The following OPRL1 variants were observed in gnomAD, a reference collection of about 807,000 sequenced individuals.
OPRL1 encodes nociceptin receptor.
In OPRL1, 5 loss-of-function variants were observed where a neutral mutation model predicts 15.5. That is an observed-to-expected ratio of 0.32 (90% CI 0.17 to 0.68). The LOEUF is 0.68. OPRL1 is among the 30% of genes least tolerant of loss of function. OPRL1 has a pLI of 0.72. For missense variants in OPRL1, 406 were observed against 515.3 expected (o/e 0.79, Z 2.05); for synonymous variants, 223 against 230.2 (o/e 0.97, Z 0.28).
intron 1 of OPRL1, among the ~76,000 whole-genome samples, chr20:64,087,737 C>T (rs2060064260): frequency 6.6e-6 from 1 of 152,250 alleles, no homozygotes; most frequent in African/African-American, 2.4e-5. Flanking sequence ...GGTTGTCTTG[C>T]TCTCTCATAT....
Position 64,098,378 on chromosome 20 carries a change from T to A in OPRL1, c.692T>A (p.Ile231Asn). ...LFSFIVPVLV[I>N]SVCYSLMIRR... Reference sequence around the variant, plus strand: ...TCCTTCATCGTCCCCGTGCTCGTCATCTCTGTCTGCTACAGCCTCATGATC... The same window carrying A: ...TCCTTCATCGTCCCCGTGCTCGTCAACTCTGTCTGCTACAGCCTCATGATC... The change falls in exon 5 of 5, where the codon ATC becomes AAC. Residue 231 changes from isoleucine (I) to asparagine (N), a missense_variant. By Grantham distance (149) the Ile-to-Asn change is moderately radical. Coordinates refer to ENST00000336866, the MANE Select transcript of OPRL1 (RefSeq NM_182647.4). 6.2e-7 allele frequency: 1 copy of A among 1,613,810 alleles called. No homozygotes were observed. Among genetic ancestry groups the A allele is most frequent in the Non-Finnish European group, 8.5e-7 (1 of 1,180,002 alleles).
In OPRL1 at chr20:64,083,403, G is replaced by A. The variant is rs755222409; in HGVS notation, c.-185+3051G>A. 1.2e-6 allele frequency: 2 copies of A among 1,611,826 alleles called. No individual in the cohort carries two copies. Among genetic ancestry groups the A allele is most frequent in the Non-Finnish European group, 1.7e-6 (2 of 1,179,588 alleles). ...CGGAGAATTATAACTTTATGTGGGA[G>A]GCTGGGGCGCGTCGCACACTCTCAG... On this transcript the variant is annotated intron_variant, in intron 1 of 4. Transcript: ENST00000336866. The surrounding 1 kb of genome is among the most constrained non-coding windows in gnomAD (Gnocchi z 4.9).
In OPRL1 at chr20:64,100,566, C is replaced by G. The variant is rs888310837; in HGVS notation, c.*1767C>G. ...CAAGCGTTACTTCCTGTGCACGTAG[C>G]CAGCCCTGGGTCTGTCTCTGGGGTA... On this transcript the variant is annotated 3_prime_UTR_variant, in exon 5 of 5. Transcript: ENST00000336866. 3.3e-5 allele frequency: 5 copies of G among 152,212 alleles called. No homozygotes were observed. The highest frequency in any genetic ancestry group is 7.3e-5 in the Non-Finnish European group (5 of 68,046). The allele number at this position is 152,212 out of a possible 1,614,324, so 9.4% of individuals were successfully genotyped here. A position where few individuals can be genotyped will look rare whatever the true frequency, so the allele number is the denominator to read the frequency against.
chr20:64,083,785 C>T lies in OPRL1; in HGVS notation c.-185+3433C>T. 7.5e-7 allele frequency: 1 copy of T among 1,329,536 alleles called. No homozygotes were observed. Among genetic ancestry groups the T allele is most frequent in the Non-Finnish European group, 9.6e-7 (1 of 1,044,064 alleles). The allele number at this position is 1,329,536 out of a possible 1,614,324, so 82.4% of individuals were successfully genotyped here. A position where few individuals can be genotyped will look rare whatever the true frequency, so the allele number is the denominator to read the frequency against. On this transcript the variant is annotated intron_variant, in intron 1 of 4. Coordinates refer to ENST00000336866, the MANE Select transcript of OPRL1 (RefSeq NM_182647.4). This position sits in a 1 kb window ranked among gnomAD's most constrained non-coding sequence, Gnocchi z 4.9. ...CCGGCTCCGCTCAACGCTCCCGGTGCGCCCCCTCTGCCCTCCGACCCCCTC... is the reference window on the plus strand; with the variant it reads ...CCGGCTCCGCTCAACGCTCCCGGTGTGCCCCCTCTGCCCTCCGACCCCCTC...
chr20:64,083,900 T>C lies in OPRL1; in HGVS notation c.-185+3548T>C, dbSNP rs1569268935. 36 of 1,445,900 alleles carry C rather than the reference T, an allele frequency of 2.5e-5. No homozygotes were observed. Among genetic ancestry groups the C allele is most frequent in the Non-Finnish European group, 3.1e-5 (34 of 1,105,414 alleles). 89.6% of individuals were successfully genotyped at this position (1,445,900 alleles called of 1,614,324 possible). A position where few individuals can be genotyped will look rare whatever the true frequency, so the allele number is the denominator to read the frequency against. On this transcript the variant is annotated intron_variant, in intron 1 of 4. Coordinates refer to ENST00000336866, the MANE Select transcript of OPRL1 (RefSeq NM_182647.4). This position sits in a 1 kb window ranked among gnomAD's most constrained non-coding sequence, Gnocchi z 4.9. ...CTTGAGGACGCCGAGGAGCCGGTTC[T>C]GGCGCTCGGCGGGCAGCTCGAGCGA...
At position 64,092,865 on chromosome 20, in the gene OPRL1, G is replaced by A. The variant is rs781248458; in HGVS notation, c.145G>A (p.Gly49Arg). ...NASHGAFLPL[G>R]LKVTIVGLYL... Reference sequence around the variant, plus strand: ...CAGCCACGGCGCCTTCCTGCCCCTCGGGCTCAAGGTCACCATCGTGGGGCT... The same window carrying A: ...CAGCCACGGCGCCTTCCTGCCCCTCAGGCTCAAGGTCACCATCGTGGGGCT... The change falls in exon 3 of 5, where the codon GGG becomes AGG. Residue 49 changes from glycine to arginine, a missense_variant. Gly to Arg is a moderately radical substitution (Grantham distance 125). Transcript: ENST00000336866. 10 of 1,612,690 alleles carry A rather than the reference G, an allele frequency of 6.2e-6. No individual in the cohort carries two copies. Among genetic ancestry groups the A allele is most frequent in the East Asian group, 2.2e-5 (1 of 44,878 alleles).
chr20:64,088,731 C>CAGAGTGGCCAGGATCTGTG (rs1569271879), intron 1 of OPRL1, among the ~76,000 whole-genome samples: 1 of 9,564 alleles, frequency 1.0e-4, no homozygotes, highest in Admixed American at 1.0e-3. Context: ...AGGATCTGTG[C>CAGAGTGGCCAGGATCTGTG]AAGGGGTAGG....
intron 1 of OPRL1, among the ~76,000 whole-genome samples, chr20:64,088,032 A>G (rs2060068073): frequency 6.6e-6 from 1 of 152,202 alleles, no homozygotes; most frequent in Admixed American, 6.5e-5. Flanking sequence ...CTTTCACTCT[A>G]AGACTGCGCC....
chr20:64,080,997 C>T (rs1297563126), intron 1 of OPRL1, among the ~76,000 whole-genome samples: 1 of 152,040 alleles, frequency 6.6e-6, no homozygotes, highest in African/African-American at 2.4e-5. Flanking sequence ...GCAGTAGGAC[C>T]AGAAGCCAGC....
chr20:64,096,548 T>C (rs1482259659), intron 3 of OPRL1, among the ~76,000 whole-genome samples: 1 of 152,134 alleles, frequency 6.6e-6, no homozygotes, highest in Non-Finnish European at 1.5e-5. Flanking sequence ...ATTGTTGTTG[T>C]CTCTTCGTAA....
chr20:64,082,834 G>T (rs1294124660), intron 1 of OPRL1, among the ~76,000 whole-genome samples: 1 of 151,320 alleles, frequency 6.6e-6, no homozygotes, highest in Non-Finnish European at 1.5e-5. Context: ...GGTGGGTGTG[G>T]GGGTGTGGCA....
rs1010172408 is a variant in OPRL1 at position 64,096,872 on chromosome 20, C to A, written c.234-930C>A. Among the ~76,000 whole-genome samples the A allele has an allele frequency of 1.6e-4, 22 of 137,672 alleles. 2 individuals are homozygous for A. The highest frequency in any genetic ancestry group is 3.3e-4 in the Non-Finnish European group (21 of 62,912). The allele number at this position is 137,672 out of a possible 152,430, so 90.3% of individuals were successfully genotyped here. On this transcript the variant is annotated intron_variant, in intron 3 of 4. Transcript: ENST00000336866. The stretch of plus-strand genomic sequence containing the variant: ...ACCACCATCACCACTATCACCACCA[C>A]CACCATCATTACCATCATCATCACG...
chr20:64,092,940 T>C lies in OPRL1; in HGVS notation c.220T>C (p.Tyr74His). 1 of 1,612,400 alleles carries C rather than the reference T, an allele frequency of 6.2e-7. No individual in the cohort carries two copies. Among genetic ancestry groups the C allele is most frequent in the East Asian group, 2.2e-5 (1 of 44,876 alleles). The change falls in exon 3 of 5, where the codon TAC becomes CAC. Residue 74 changes from tyrosine (Y) to histidine (H), a missense_variant. Tyr to His is a moderately conservative substitution (Grantham distance 83). Coordinates refer to ENST00000336866, the MANE Select transcript of OPRL1 (RefSeq NM_182647.4). Reference protein sequence around the residue: ...GGLLGNCLVMYVILRHTKMKT... With the variant: ...GGLLGNCLVMHVILRHTKMKT... ...GCTCCTGGGGAACTGCCTTGTCATGTACGTCATCCTCAGGTAGGCTGGGCC... is the reference window on the plus strand; with the variant it reads ...GCTCCTGGGGAACTGCCTTGTCATGCACGTCATCCTCAGGTAGGCTGGGCC...
chr20:64,097,668 C>A lies in OPRL1; in HGVS notation c.234-134C>A. On this transcript the variant is annotated intron_variant, in intron 3 of 4. Coordinates refer to ENST00000336866, the MANE Select transcript of OPRL1 (RefSeq NM_182647.4). The surrounding 1 kb of genome is among the most constrained non-coding windows in gnomAD (Gnocchi z 4.2). ...GTCCAGGAGCTATCACTTACCAAGCCCCCATGGGAACTCTGATGTTAAGGG... is the reference window on the plus strand; with the variant it reads ...GTCCAGGAGCTATCACTTACCAAGCACCCATGGGAACTCTGATGTTAAGGG... The A allele has an allele frequency of 1.2e-5, 9 of 763,014 alleles. No homozygotes were observed. The highest frequency in any genetic ancestry group is 1.8e-5 in the Non-Finnish European group (8 of 454,748). 47.3% of individuals were successfully genotyped at this position (763,014 alleles called of 1,614,324 possible).
At position 64,083,556 on chromosome 20, in the gene OPRL1, C is replaced by G. The variant is rs757309679; in HGVS notation, c.-185+3204C>G. 4 of 1,532,226 alleles carry G rather than the reference C, an allele frequency of 2.6e-6. No individual in the cohort carries two copies. Among genetic ancestry groups the G allele is most frequent in the Non-Finnish European group, 2.6e-6 (3 of 1,139,094 alleles). 94.9% of individuals were successfully genotyped at this position (1,532,226 alleles called of 1,614,324 possible). On this transcript the variant is annotated intron_variant, in intron 1 of 4. Transcript: ENST00000336866. This position sits in a 1 kb window ranked among gnomAD's most constrained non-coding sequence, Gnocchi z 4.9. ...AGGCGGGCAGGGCCCCTCCCCTTTC[C>G]CCGCCCCTACCGGGGCTTGTCTGCA...
In OPRL1 at chr20:64,090,006, G is replaced by T. The variant is rs2060104439; in HGVS notation, c.-184-1960G>T. 6.6e-6 allele frequency among the ~76,000 whole-genome samples: 1 copy of T among 152,230 alleles called. No individual in the cohort carries two copies. Among genetic ancestry groups the T allele is most frequent in the Admixed American group, 6.5e-5 (1 of 15,288 alleles). On this transcript the variant is annotated intron_variant, in intron 1 of 4. Transcript: ENST00000336866. The surrounding 1 kb of genome is among the most constrained non-coding windows in gnomAD (Gnocchi z 4.9). ...GGCTCACCCTCGAGCTTTGCCTGGA[G>T]AGCGTGTTTGTGCATGTGTGTGTCC...
rs1372732675 is a variant in OPRL1 at position 64,090,548 on chromosome 20, G to C, written c.-184-1418G>C. ...TGGTTTTCCTGCAAAGCTCGTGCAG[G>C]AAGTACAACCCCATGACCGGGAGGG... On this transcript the variant is annotated intron_variant, in intron 1 of 4. Transcript: ENST00000336866. The surrounding 1 kb of genome is among the most constrained non-coding windows in gnomAD (Gnocchi z 4.9). 6.6e-6 allele frequency among the ~76,000 whole-genome samples: 1 copy of C among 152,202 alleles called. No individual in the cohort carries two copies. Among genetic ancestry groups the C allele is most frequent in the African/African-American group, 2.4e-5 (1 of 41,444 alleles).
Position 64,098,388 on chromosome 20 carries a change from C to T in OPRL1, c.702C>T (p.Cys234=), listed in dbSNP as rs763105314. ...FIVPVLVISV[C]YSLMIRRLRG... is the part of the protein sequence containing the mutation. ...TCCCCGTGCTCGTCATCTCTGTCTG[C>T]TACAGCCTCATGATCCGGCGGCTCC... The change falls in exon 5 of 5, where the codon TGC becomes TGT. Residue 234 remains cysteine (C), a synonymous_variant. Transcript: ENST00000336866. 6.2e-7 allele frequency: 1 copy of T among 1,613,846 alleles called. No homozygotes were observed. Among genetic ancestry groups the T allele is most frequent in the Admixed American group, 1.7e-5 (1 of 60,026 alleles).
chr20:64,088,328 C>T (rs941894191), intron 1 of OPRL1, among the ~76,000 whole-genome samples: 2 of 151,484 alleles, frequency 1.3e-5, no homozygotes, highest in Middle Eastern at 3.4e-3. Context: ...GGAGTCTCTG[C>T]GGGGAGGACT....
Sources: allele counts gnomAD v4.1 joint callset (sites outside exome capture counted in the v4.1 genomes callset), GRCh38; gene constraint gnomAD v4.1.1; non-coding constraint Gnocchi (gnomAD v3.1); transcripts MANE v1.5; gene names NCBI Gene and HGNC (gene_info 2026-07-23, HGNC 2026-07-21).